The following CAMKMT variants were observed in gnomAD, a reference collection of about 807,000 sequenced individuals.
CAMKMT encodes the protein calmodulin-lysine N-methyltransferase.
A neutral mutation model predicts 48.0 loss-of-function variants in CAMKMT; 53 were observed. That is an observed-to-expected ratio of 1.10 (90% CI 0.89 to 1.39). The LOEUF (loss-of-function observed/expected upper bound fraction) is 1.39. Ranked by LOEUF, CAMKMT falls within the 40% of genes most tolerant of loss-of-function variation. The pLI is 0.00. For synonymous variants in CAMKMT, 165 were observed against 152.3 expected (o/e 1.08, Z -0.61); for missense variants, 428 against 402.7 (o/e 1.06, Z -0.54).
intron 3 of CAMKMT, among the ~76,000 whole-genome samples, chr2:44,431,322 A>T (rs1684636479): frequency 6.6e-6 from 1 of 152,166 alleles, no homozygotes; most frequent in African/African-American, 2.4e-5. Context: ...AGGAAAATTG[A>T]GAAAATATTA....
chr2:44,589,922 AAAAT>A (rs1352979178), intron 3 of CAMKMT, among the ~76,000 whole-genome samples: 1 of 87,010 alleles, frequency 1.1e-5, no homozygotes. Flanking sequence ...CGAAAAAAAA[AAAAT>A]TTTAATTTCC....
At chr2:44,501,556 G>C (rs553093522) in intron 3 of CAMKMT, among the ~76,000 whole-genome samples, 55 of 152,254 alleles carry the variant, frequency 3.6e-4, no homozygotes, top group Non-Finnish European at 5.7e-4. Context: ...GGGAGGCTGG[G>C]TCTTCATTGT....
intron 3 of CAMKMT, among the ~76,000 whole-genome samples, chr2:44,390,622 T>C (rs528326138): frequency 6.6e-6 from 1 of 152,136 alleles, no homozygotes; most frequent in East Asian, 1.9e-4. Context: ...TTTATTTTTG[T>C]TTCCATTTTG....
At chr2:44,398,906 T>C (rs1449650992) in intron 3 of CAMKMT, among the ~76,000 whole-genome samples, 1 of 152,310 alleles carries the variant, frequency 6.6e-6, no homozygotes, top group East Asian at 1.9e-4. Context: ...ATATACTCCA[T>C]GTTAAAAAAA....
intron 3 of CAMKMT, among the ~76,000 whole-genome samples, chr2:44,703,960 C>T (rs2104267168): frequency 6.6e-6 from 1 of 152,104 alleles, no homozygotes; most frequent in East Asian, 1.9e-4. Context: ...ATTTTATGTG[C>T]ACAAGATGAA....
intron 7 of CAMKMT, among the ~76,000 whole-genome samples, chr2:44,715,633 A>G (rs1339310370): frequency 6.6e-6 from 1 of 152,214 alleles, no homozygotes; most frequent in Non-Finnish European, 1.5e-5. Flanking sequence ...TGAGGTTGGG[A>G]GAAGCCAGGC....
intron 3 of CAMKMT, among the ~76,000 whole-genome samples, chr2:44,454,886 C>A (rs1484736945): frequency 1.3e-5 from 2 of 152,108 alleles, no homozygotes; most frequent in South Asian, 2.1e-4. Context: ...TATTATTTAT[C>A]TAACAGAATC....
At chr2:44,508,953 G>T (rs1369884756) in intron 3 of CAMKMT, among the ~76,000 whole-genome samples, 2 of 151,944 alleles carry the variant, frequency 1.3e-5, no homozygotes, top group Non-Finnish European at 2.9e-5. Context: ...AAAATTAGCC[G>T]GGTGTGGTGG....
At chr2:44,383,829 C>A (rs548979670) in intron 2 of CAMKMT, among the ~76,000 whole-genome samples, 2 of 152,134 alleles carry the variant, frequency 1.3e-5, no homozygotes, top group East Asian at 3.9e-4. Context: ...GTGTAGTATT[C>A]CATTGTATAT....
At chr2:44,747,874 G>A (rs1055031899) in intron 8 of CAMKMT, among the ~76,000 whole-genome samples, 1 of 152,116 alleles carries the variant, frequency 6.6e-6, no homozygotes. Context: ...AGAGGTCTGT[G>A]TGTCTGTGTG....
intron 9 of CAMKMT, among the ~76,000 whole-genome samples, chr2:44,758,088 G>A (rs1031302462): frequency 6.6e-5 from 10 of 152,190 alleles, no homozygotes; most frequent in East Asian, 1.9e-4. Flanking sequence ...CGGTCCCCAC[G>A]GAGTGGGGGA....
intron 3 of CAMKMT, among the ~76,000 whole-genome samples, chr2:44,557,381 C>T (rs1048147531): frequency 4.0e-5 from 6 of 151,602 alleles, no homozygotes; most frequent in African/African-American, 9.7e-5. Context: ...CAAAAATAAA[C>T]GGTGCTTAAG....
intron 3 of CAMKMT, among the ~76,000 whole-genome samples, chr2:44,504,222 T>A (rs1670148030): frequency 6.6e-6 from 1 of 152,126 alleles, no homozygotes; most frequent in South Asian, 2.1e-4. Flanking sequence ...TCATCTGTGT[T>A]ATGGTGAGTC....
intron 3 of CAMKMT, among the ~76,000 whole-genome samples, chr2:44,440,636 A>G (rs950871499): frequency 6.6e-6 from 1 of 152,124 alleles, no homozygotes; most frequent in Non-Finnish European, 1.5e-5. Context: ...TTCAATGCAC[A>G]TTTCAAGGGC....
Position 44,630,941 on chromosome 2 carries a change from T to C in CAMKMT, c.377-73342T>C, listed in dbSNP as rs560888753. On this transcript the variant is annotated intron_variant, in intron 3 of 10. Coordinates refer to ENST00000378494, the MANE Select transcript of CAMKMT (RefSeq NM_024766.5). ...TAAATCATGCTGCTATAAAGACACA[T>C]GCACACGTATGTTTATTGCGGCACT... is the stretch of plus-strand genomic sequence containing the variant. 1.6e-4 allele frequency among the ~76,000 whole-genome samples: 24 copies of C among 151,976 alleles called. 1 individual carries two copies. The South Asian group carries it at 4.8e-3, about 30-fold the overall frequency.
In CAMKMT at chr2:44,704,309, G is replaced by T; in HGVS notation, c.403G>T (p.Ala135Ser). The T allele has an allele frequency of 4.3e-6, 7 of 1,610,592 alleles. No homozygotes were observed. Among genetic ancestry groups the T allele is most frequent in the Non-Finnish European group, 5.9e-6 (7 of 1,178,130 alleles). The part of the protein sequence containing the change: ...VCIWPSEEVL[A>S]YYCLKHNNIF... ...CATCTGGCCATCTGAAGAGGTTTTG[G>T]CTTACTACTGCCTCAAGCACAATAA... The change falls in exon 4 of 11, where the codon GCT (alanine) becomes TCT (serine). Residue 135 changes from alanine to serine, a missense_variant. Transcript: ENST00000378494.
intron 3 of CAMKMT, among the ~76,000 whole-genome samples, chr2:44,441,621 T>A (rs1666669498): frequency 6.6e-6 from 1 of 152,144 alleles, no homozygotes; most frequent in Non-Finnish European, 1.5e-5. Flanking sequence ...AATAATATAG[T>A]GCCTTCGAAT....
intron 3 of CAMKMT, among the ~76,000 whole-genome samples, chr2:44,584,203 A>G (rs1441367753): frequency 1.3e-5 from 2 of 152,170 alleles, no homozygotes; most frequent in Non-Finnish European, 2.9e-5. Flanking sequence ...TGTTTTCCTT[A>G]TTATTACTGA....
chr2:44,431,757 G>A (rs1347122303), intron 3 of CAMKMT, among the ~76,000 whole-genome samples: 4 of 152,176 alleles, frequency 2.6e-5, no homozygotes, highest in East Asian at 3.9e-4. Flanking sequence ...TTGTGCTGTC[G>A]GGTTAGGCCT....
Sources: gnomAD v4.1 joint callset for allele counts (sites outside exome capture counted in the v4.1 genomes callset) on GRCh38, gnomAD v4.1.1 for gene constraint, MANE v1.5 for transcripts, NCBI Gene and HGNC (gene_info 2026-07-23, HGNC 2026-07-21) for gene names.